CABIN1: variants seen among roughly 807,000 people sequenced by gnomAD.
The protein encoded by CABIN1 is calcineurin-binding protein cabin-1.
A neutral mutation model predicts 227.7 loss-of-function variants in CABIN1; 133 were observed. That is an observed-to-expected ratio of 0.58 (90% CI 0.51 to 0.67). The LOEUF (loss-of-function observed/expected upper bound fraction) is 0.67. CABIN1 is among the 30% of genes least tolerant of loss of function. The probability of loss-of-function intolerance (pLI) is 0.00; values close to 1 mark genes in which losing one functional copy is unlikely to be tolerated. For synonymous variants in CABIN1, 1,086 were observed against 1,155.1 expected, an observed-to-expected ratio of 0.94 and a Z score of 1.21; for missense variants, 2,408 against 2,852.5, an observed-to-expected ratio of 0.84 and a Z score of 3.55.
At chr22:24,031,369 C>G (rs1358576504) in intron 1 of CABIN1, among the ~76,000 whole-genome samples, 4 of 152,180 alleles carry the variant, frequency 2.6e-5, no homozygotes, top group Admixed American at 1.3e-4. Flanking sequence ...CCACGCTAGT[C>G]AAGCTATTGT....
chr22:24,157,913 C>T (rs1045116448), intron 29 of CABIN1, among the ~76,000 whole-genome samples: 4 of 152,178 alleles, frequency 2.6e-5, no homozygotes, highest in Non-Finnish European at 5.9e-5. Flanking sequence ...GAGGCTCCAT[C>T]GCTCTCTAGC....
chr22:24,074,338 AAAAAGAAAG>A (rs985399060), intron 18 of CABIN1, among the ~76,000 whole-genome samples: 2 of 152,222 alleles, frequency 1.3e-5, no homozygotes, highest in African/African-American at 2.4e-5. Context: ...ATTGGAAAGG[AAAAAGAAAG>A]AAAAGAAAGA....
chr22:24,060,187 C>T, intron 12 of CABIN1, 46 bp downstream of exon 12: 4 of 1,548,090 alleles, frequency 2.6e-6, no homozygotes, highest in Non-Finnish European at 3.6e-6. Flanking sequence ...GGGACCAGGG[C>T]ATGGGGACAG....
At chr22:24,074,620 G>T (rs2040314966) in intron 18 of CABIN1, among the ~76,000 whole-genome samples, 1 of 152,180 alleles carries the variant, frequency 6.6e-6, no homozygotes, top group Non-Finnish European at 1.5e-5. Flanking sequence ...ACACACTATG[G>T]TTGGGTGGTG....
intron 1 of CABIN1, among the ~76,000 whole-genome samples, chr22:24,018,010 T>C (rs1473120158): frequency 1.3e-5 from 2 of 152,118 alleles, no homozygotes; most frequent in Non-Finnish European, 2.9e-5. Flanking sequence ...TGTACCACCA[T>C]GCCCTGGCTA....
chr22:24,069,253 A>C (rs895429803), intron 16 of CABIN1, among the ~76,000 whole-genome samples: 1 of 152,150 alleles, frequency 6.6e-6, no homozygotes, highest in Non-Finnish European at 1.5e-5. Context: ...GTTGTTCACT[A>C]TCTTTTCCAT....
At chr22:24,015,192 G>A (rs2035157629) in intron 1 of CABIN1, among the ~76,000 whole-genome samples, 1 of 148,200 alleles carries the variant, frequency 6.7e-6, no homozygotes, top group South Asian at 2.1e-4. Context: ...CTTGAACCTG[G>A]GAGGCAGATG....
chr22:24,167,058 G>A lies in CABIN1; in HGVS notation c.5427G>A (p.Gln1809=), dbSNP rs1275464790. ...AGCTGAGCATCAGTGCCCGGCAGCA[G>A]CCCACCCCGCTCACCCCAGCCCAGC... ...LEELSISARQ[Q]PTPLTPAQPA... The change falls in exon 32 of 37, where the codon CAG becomes CAA. Residue 1809 remains glutamine, a synonymous_variant. Transcript: ENST00000263119. 14 of 1,545,326 alleles carry A rather than the reference G, an allele frequency of 9.1e-6. No individual in the cohort carries two copies. The East Asian group carries it at 2.9e-4, about 32-fold the overall frequency.
chr22:24,064,229 G>T, intron 15 of CABIN1, 42 bp downstream of exon 15: 1 of 1,609,076 alleles, frequency 6.2e-7, no homozygotes, highest in Non-Finnish European at 8.5e-7. Flanking sequence ...TCCTGAGATG[G>T]AGTTTCACTT....
rs4820580 is a variant in CABIN1, at chr22:24,069,923, A to G, written c.2233-877A>G. Among the ~76,000 whole-genome samples, 933 of 152,260 alleles carry G rather than the reference A, an allele frequency of 6.1e-3. 9 individuals carry two copies. The highest frequency in any genetic ancestry group is 0.021 in the African/African-American group (891 of 41,550). On this transcript the variant is annotated intron_variant, in intron 16 of 36. Coordinates refer to ENST00000263119, the MANE Select transcript of CABIN1 (RefSeq NM_012295.4). ...TGGGCTGTGGCGAGGTTAGAGCCCA[A>G]TGGGTCACCGGGCAGCAGGTGCTTC...
At chr22:24,075,450 G>C (rs1205452279) in intron 18 of CABIN1, among the ~76,000 whole-genome samples, 1 of 152,160 alleles carries the variant, frequency 6.6e-6, no homozygotes, top group African/African-American at 2.4e-5. Flanking sequence ...GTATTATTCA[G>C]GTAGACCTAA....
rs556333454 is a variant in CABIN1 at position 24,015,408 on chromosome 22, T to A, written c.-75+4041T>A. ...TGCCCAGGCCTGAGTGCATTGGCGC[T>A]ATCTCGGCTCACTGCAAGCTCCGCC... On this transcript the variant is annotated intron_variant, in intron 1 of 36. Transcript: ENST00000263119. 1.1e-4 allele frequency among the ~76,000 whole-genome samples: 16 copies of A among 150,766 alleles called. No homozygotes were observed. In the South Asian group the frequency reaches 2.1e-3, roughly 20 times the overall value.
At chr22:24,098,375 C>T in intron 26 of CABIN1, 183 bp downstream of exon 26, 1 of 1,343,916 alleles carries the variant, frequency 7.4e-7, no homozygotes. Flanking sequence ...GCTTCCGAGA[C>T]ATGCTCAGGG....
chr22:24,176,158 C>T lies in CABIN1; in HGVS notation c.6088C>T (p.Gln2030Ter). The change falls in exon 35 of 37, where the codon CAG becomes TAG. Residue 2030 changes from glutamine to a stop codon, truncating the protein, a stop_gained. Coordinates refer to ENST00000263119, the MANE Select transcript of CABIN1 (RefSeq NM_012295.4). LOFTEE classifies it high-confidence loss of function. ...RVAEGTSFPP[Q>*]EPRHSPQVKM... ...GGCAGAGGGCACCAGCTTCCCGCCT[C>T]AGGAGCCACGGCACAGTCCGCAGGT... is the stretch of plus-strand genomic sequence containing the variant. 6.2e-7 allele frequency: 1 copy of T among 1,611,094 alleles called. No individual in the cohort carries two copies. Among genetic ancestry groups the T allele is most frequent in the Non-Finnish European group, 8.5e-7 (1 of 1,179,298 alleles).
chr22:24,083,189 C>T (rs767945115), intron 19 of CABIN1, 39 bp from the exon 20 acceptor site: 3 of 1,606,006 alleles, frequency 1.9e-6, no homozygotes, highest in Non-Finnish European at 1.7e-6. Flanking sequence ...GCAGTGGCTA[C>T]AGGCCCTCAC....
In CABIN1 at chr22:24,177,533, G is replaced by T; in HGVS notation, c.6235G>T (p.Asp2079Tyr). Reference protein sequence around the residue: ...EGKLRPEPRRDGEAQEAASET... With the variant: ...EGKLRPEPRRYGEAQEAASET... ...GAAACTGAGGCCTGAGCCGAGAAGGGATGGGGAGGCTCAGGAGGCTGCGAG... is the reference window on the plus strand; with the variant it reads ...GAAACTGAGGCCTGAGCCGAGAAGGTATGGGGAGGCTCAGGAGGCTGCGAG... The change falls in exon 36 of 37, where the codon GAT becomes TAT. Residue 2079 changes from aspartate (D) to tyrosine (Y), a missense_variant. Asp to Tyr is a radical substitution (Grantham distance 160). Coordinates refer to ENST00000263119, the MANE Select transcript of CABIN1 (RefSeq NM_012295.4). This position sits in a 1 kb window ranked among gnomAD's most constrained non-coding sequence, Gnocchi z 4.4. The T allele has an allele frequency of 6.4e-7, 1 of 1,556,388 alleles. No homozygotes were observed. Among genetic ancestry groups the T allele is most frequent in the Non-Finnish European group, 8.7e-7 (1 of 1,148,100 alleles).
chr22:24,121,156 G>T (rs1398715633), intron 28 of CABIN1, among the ~76,000 whole-genome samples: 1 of 152,252 alleles, frequency 6.6e-6, no homozygotes. Context: ...GAGGTCTCCT[G>T]CTGGCTCCCC....
intron 1 of CABIN1, among the ~76,000 whole-genome samples, chr22:24,015,314 T>A (rs1358384295): frequency 6.1e-5 from 8 of 131,442 alleles, no homozygotes; most frequent in South Asian, 2.5e-4. Flanking sequence ...GTCTTGAAAA[T>A]CACCCCATAT....
intron 29 of CABIN1, among the ~76,000 whole-genome samples, chr22:24,135,129 G>A (rs558754910): frequency 6.6e-6 from 1 of 150,638 alleles, no homozygotes; most frequent in Admixed American, 6.6e-5. Context: ...AGTGGCTCAC[G>A]CCTGTAATCC....
Sources: gnomAD v4.1 joint callset for allele counts (sites outside exome capture counted in the v4.1 genomes callset) on GRCh38, gnomAD v4.1.1 for gene constraint, Gnocchi (gnomAD v3.1) non-coding constraint, MANE v1.5 for transcripts, NCBI Gene and HGNC (gene_info 2026-07-23, HGNC 2026-07-21) for gene names.